AUTS2: variants seen among roughly 807,000 people sequenced by gnomAD.
AUTS2 encodes the protein activator of transcription and developmental regulator AUTS2.
A neutral mutation model predicts 112.4 loss-of-function variants in AUTS2; 17 were observed. The ratio of observed to expected loss-of-function variants is 0.15; its 90% CI spans 0.10 to 0.23. The LOEUF (loss-of-function observed/expected upper bound fraction) is 0.23. AUTS2 is among the 10% of genes least tolerant of loss of function. The pLI is 1.00. For missense variants in AUTS2, 1,510 were observed against 1,701.6 expected, an observed-to-expected ratio of 0.89 and a Z score of 1.98; for synonymous variants, 751 against 702.7, an observed-to-expected ratio of 1.07 and a Z score of -1.09.
chr7:70,444,137 C>G (rs1402052514), intron 5 of AUTS2, among the ~76,000 whole-genome samples: 1 of 152,112 alleles, frequency 6.6e-6, no homozygotes, highest in Non-Finnish European at 1.5e-5. Flanking sequence ...TGAAATTGAC[C>G]ATGAGCCCTG....
intron 6 of AUTS2, among the ~76,000 whole-genome samples, chr7:70,747,170 T>C (rs1213781202): frequency 1.3e-5 from 2 of 152,206 alleles, no homozygotes; most frequent in African/African-American, 4.8e-5. Flanking sequence ...AAGAAACAAA[T>C]GAAGGCCGTA....
intron 2 of AUTS2, among the ~76,000 whole-genome samples, chr7:69,979,795 CTA>C (rs1273712447): frequency 6.6e-6 from 1 of 152,142 alleles, no homozygotes; most frequent in Non-Finnish European, 1.5e-5. Flanking sequence ...AGGCTGCCTG[CTA>C]TACAGATGCA....
At chr7:69,611,822 C>T (rs1004036079) in intron 1 of AUTS2, among the ~76,000 whole-genome samples, 11 of 146,880 alleles carry the variant, frequency 7.5e-5, no homozygotes, top group Admixed American at 6.2e-4. Context: ...CCCAGCTACT[C>T]GGGAGGCTGA....
intron 1 of AUTS2, among the ~76,000 whole-genome samples, chr7:69,877,691 C>T (rs1793863429): frequency 2.6e-5 from 4 of 152,094 alleles, no homozygotes; most frequent in Non-Finnish European, 5.9e-5. Context: ...TTCCCACTTA[C>T]GGGTGAGAAC....
At chr7:70,204,488 G>A (rs139517483) in intron 4 of AUTS2, among the ~76,000 whole-genome samples, 119 of 152,132 alleles carry the variant, frequency 7.8e-4, no homozygotes, top group African/African-American at 2.8e-3. Flanking sequence ...ATGTTTTGTC[G>A]GGGGGTGGGG....
chr7:70,223,115 C>T (rs898204632), intron 4 of AUTS2, among the ~76,000 whole-genome samples: 5 of 152,062 alleles, frequency 3.3e-5, no homozygotes, highest in African/African-American at 1.2e-4. Flanking sequence ...TCTTGAATTC[C>T]TAACCTTGTG....
intron 5 of AUTS2, among the ~76,000 whole-genome samples, chr7:70,545,304 G>C (rs778332627): frequency 6.6e-6 from 1 of 152,238 alleles, no homozygotes; most frequent in Non-Finnish European, 1.5e-5. Context: ...ACGCAAAGCA[G>C]CTGGGCTGCG....
In AUTS2 at chr7:69,599,971, G is replaced by A. The variant is rs1205858016; in HGVS notation, c.309+9G>A. On this transcript the variant is annotated intron_variant, in intron 1 of 18. Transcript: ENST00000342771. This position sits in a 1 kb window ranked among gnomAD's most constrained non-coding sequence, Gnocchi z 7.0. ...CTTTTGAAGCGCTGGAGGTAAGGGG[G>A]ACCCCCCTTCCCCCGGGTTCCCTTT... 1.2e-6 allele frequency: 2 copies of A among 1,612,394 alleles called. No homozygotes were observed. Among genetic ancestry groups the A allele is most frequent in the Non-Finnish European group, 1.7e-6 (2 of 1,179,600 alleles).
chr7:69,925,405 C>T (rs1030968995), intron 2 of AUTS2, among the ~76,000 whole-genome samples: 4 of 152,286 alleles, frequency 2.6e-5, no homozygotes, highest in African/African-American at 9.6e-5. Context: ...CCAAATATTA[C>T]TTTAGCAGCA....
chr7:69,848,206 C>A (rs1001151538), intron 1 of AUTS2, among the ~76,000 whole-genome samples: 1 of 152,204 alleles, frequency 6.6e-6, no homozygotes, highest in Non-Finnish European at 1.5e-5. Flanking sequence ...AAAATACGAG[C>A]TACTTCTAAC....
chr7:70,095,309 G>A (rs563675708), intron 2 of AUTS2, among the ~76,000 whole-genome samples: 32 of 152,310 alleles, frequency 2.1e-4, no homozygotes, highest in African/African-American at 7.7e-4. Flanking sequence ...TGCAGTATTT[G>A]CATGGTTAAG....
At chr7:70,126,022 A>G (rs895615645) in intron 3 of AUTS2, among the ~76,000 whole-genome samples, 1 of 152,220 alleles carries the variant, frequency 6.6e-6, no homozygotes, top group African/African-American at 2.4e-5. Flanking sequence ...TCAAAATAGT[A>G]TATTATTCTA....
intron 5 of AUTS2, among the ~76,000 whole-genome samples, chr7:70,585,834 A>G (rs1363040555): frequency 2.3e-4 from 1 of 4,398 alleles, no homozygotes; most frequent in Non-Finnish European, 5.1e-4. Context: ...TGAAATAAAG[A>G]TTTATTTATT....
At chr7:70,418,858 T>C (rs1585123060) in intron 4 of AUTS2, among the ~76,000 whole-genome samples, 1 of 152,108 alleles carries the variant, frequency 6.6e-6, no homozygotes, top group South Asian at 2.1e-4. Context: ...TCCAGTGTTT[T>C]TTTTTTCTTT....
At chr7:70,482,295 G>A (rs949559523) in intron 5 of AUTS2, among the ~76,000 whole-genome samples, 1 of 152,064 alleles carries the variant, frequency 6.6e-6, no homozygotes, top group African/African-American at 2.4e-5. Context: ...GGGGCACTTC[G>A]TCCTCCTCCT....
chr7:70,255,184 C>T (rs1200924446), intron 4 of AUTS2, among the ~76,000 whole-genome samples: 1 of 151,210 alleles, frequency 6.6e-6, no homozygotes, highest in Non-Finnish European at 1.5e-5. Flanking sequence ...GGGGATTCTC[C>T]TGCCTCAGCC....
At chr7:69,814,003 A>G (rs1790652879) in intron 1 of AUTS2, among the ~76,000 whole-genome samples, 1 of 152,206 alleles carries the variant, frequency 6.6e-6, no homozygotes, top group Non-Finnish European at 1.5e-5. Context: ...GCCCAGGGCA[A>G]TTGGAACTTT....
At chr7:69,834,771 C>T (rs1394071022) in intron 1 of AUTS2, among the ~76,000 whole-genome samples, 1 of 152,150 alleles carries the variant, frequency 6.6e-6, no homozygotes, top group Non-Finnish European at 1.5e-5. Context: ...TAAAAGGAGC[C>T]AGGAAGCAGC....
intron 4 of AUTS2, among the ~76,000 whole-genome samples, chr7:70,432,246 C>G (rs147138586): frequency 7.9e-4 from 121 of 152,268 alleles, no homozygotes; most frequent in Admixed American, 7.7e-3. Flanking sequence ...ATCTGACATG[C>G]CTTTTCCATT....
Sources: gnomAD v4.1 joint callset for allele counts (sites outside exome capture counted in the v4.1 genomes callset) on GRCh38, gnomAD v4.1.1 for gene constraint, Gnocchi (gnomAD v3.1) non-coding constraint, MANE v1.5 for transcripts, NCBI Gene and HGNC (gene_info 2026-07-23, HGNC 2026-07-21) for gene names.